Variants in KHDRBS2 observed in about 807,000 individuals in gnomAD.
KHDRBS2 encodes the protein KH RNA binding domain containing, signal transduction associated 2.
Under a neutral mutation model 44.3 loss-of-function variants are expected in KHDRBS2, and 26 were observed. That is an observed-to-expected ratio of 0.59 (90% confidence interval 0.43 to 0.81). KHDRBS2 has a LOEUF of 0.81. KHDRBS2 is among the 40% of genes least tolerant of loss of function. The pLI is 0.00. For synonymous variants in KHDRBS2, 194 were observed against 151.1 expected, an observed-to-expected ratio of 1.28 and a Z score of -2.08; for missense variants, 476 against 433.1, an observed-to-expected ratio of 1.10 and a Z score of -0.88.
chr6:61,748,248 C>G (rs946793763), intron 6 of KHDRBS2, among the ~76,000 whole-genome samples: 6 of 152,188 alleles, frequency 3.9e-5, no homozygotes, highest in Admixed American at 6.5e-5. Context: ...CTTGGCCTCA[C>G]GGAGTGCTAG....
chr6:61,961,124 G>A (rs963393970), intron 4 of KHDRBS2, among the ~76,000 whole-genome samples: 1 of 152,034 alleles, frequency 6.6e-6, no homozygotes, highest in African/African-American at 2.4e-5. Flanking sequence ...AAGAAAGTGA[G>A]CATTATATAT....
intron 6 of KHDRBS2, among the ~76,000 whole-genome samples, chr6:61,854,857 A>T (rs1294055830): frequency 6.6e-6 from 1 of 152,174 alleles, no homozygotes; most frequent in African/African-American, 2.4e-5. Context: ...GAATTGATGC[A>T]TATGGTGCCT....
intron 6 of KHDRBS2, 81 bp downstream of exon 6, chr6:61,894,554 G>A (rs1309923427): frequency 7.3e-6 from 8 of 1,090,722 alleles, no homozygotes; most frequent in South Asian, 4.3e-5. Flanking sequence ...CTATATTCAC[G>A]GTATATGAAC....
intron 1 of KHDRBS2, among the ~76,000 whole-genome samples, chr6:62,258,578 A>C (rs1184105689): frequency 6.6e-6 from 1 of 152,034 alleles, no homozygotes; most frequent in Non-Finnish European, 1.5e-5. Flanking sequence ...TCTGATGTTC[A>C]ATGTACATAA....
intron 6 of KHDRBS2, among the ~76,000 whole-genome samples, chr6:61,853,128 C>G: frequency 6.6e-6 from 1 of 152,070 alleles, no homozygotes; most frequent in Non-Finnish European, 1.5e-5. Flanking sequence ...CATCTGGTAC[C>G]AATATTTTCC....
chr6:61,727,440 T>C (rs1773752988), intron 7 of KHDRBS2, among the ~76,000 whole-genome samples: 1 of 152,150 alleles, frequency 6.6e-6, no homozygotes, highest in African/African-American at 2.4e-5. Context: ...GGAATCTAAC[T>C]AAAGAGCTTC....
the KHDRBS2 span, among the ~76,000 whole-genome samples, chr6:61,633,419 G>A: frequency 0.34 from 52,081 of 151,798 alleles, 9,707 homozygotes; most frequent in East Asian, 0.49. Context: ...GATGCCACAT[G>A]TTCACACTGC....
chr6:61,574,209 C>T, the KHDRBS2 span: 7 of 726,348 alleles, frequency 9.6e-6, no homozygotes, highest in Non-Finnish European at 1.4e-5. Flanking sequence ...AAAACATCAC[C>T]TCTAGCATTA....
intron 6 of KHDRBS2, among the ~76,000 whole-genome samples, chr6:61,882,460 C>G (rs1378312584): frequency 2.0e-5 from 3 of 151,992 alleles, no homozygotes; most frequent in Non-Finnish European, 4.4e-5. Context: ...GCAGCCTATT[C>G]TCTATTTGGT....
intron 2 of KHDRBS2, among the ~76,000 whole-genome samples, chr6:62,112,582 G>A (rs1216655040): frequency 6.6e-6 from 1 of 151,986 alleles, no homozygotes; most frequent in Non-Finnish European, 1.5e-5. Flanking sequence ...CTCAGAAAAA[G>A]GTAATAAAGT....
chr6:62,097,889 T>C lies in KHDRBS2; in HGVS notation c.220-49895A>G, dbSNP rs550413941. On this transcript the variant is annotated intron_variant, in intron 2 of 8. Transcript: ENST00000281156. The stretch of plus-strand genomic sequence containing the variant: ...TGCTTTTTATTTTTAGTGTATCTGT[T>C]ATAGGTTTTTGCTTTGTGGTTATCA... Among the ~76,000 whole-genome samples, 3 of 152,220 alleles carry C rather than the reference T, an allele frequency of 2.0e-5. No individual in the cohort carries two copies. In the South Asian group the frequency reaches 6.2e-4, roughly 32 times the overall value.
intron 2 of KHDRBS2, among the ~76,000 whole-genome samples, chr6:62,169,125 ATACATATACACACAT>A (rs1819362028): frequency 7.3e-6 from 1 of 137,760 alleles, no homozygotes; most frequent in Non-Finnish European, 1.6e-5. Flanking sequence ...GTGTGTATAT[ATACATATACACACAT>A]ATATGTGTGT....
intron 1 of KHDRBS2, among the ~76,000 whole-genome samples, chr6:62,182,145 T>C (rs1427171070): frequency 6.6e-6 from 1 of 152,052 alleles, no homozygotes; most frequent in Non-Finnish European, 1.5e-5. Context: ...TTCCAGCCTC[T>C]AGAATTGTGA....
Position 61,880,467 on chromosome 6 carries a change from A to G in KHDRBS2, c.810+14168T>C, listed in dbSNP as rs1800044806. On this transcript the variant is annotated intron_variant, in intron 6 of 8. Coordinates refer to ENST00000281156, the MANE Select transcript of KHDRBS2 (RefSeq NM_152688.4). ...GATCTTAAGTGTATATTTTATGTAAAAGAAAATCTCAAACAAAATCTAGAT... is the reference window on the plus strand; with the variant it reads ...GATCTTAAGTGTATATTTTATGTAAGAGAAAATCTCAAACAAAATCTAGAT... Among the ~76,000 whole-genome samples the G allele has an allele frequency of 3.3e-5, 5 of 152,030 alleles. No individual in the cohort carries two copies. The South Asian group carries it at 1.0e-3, about 32-fold the overall frequency.
intron 1 of KHDRBS2, among the ~76,000 whole-genome samples, chr6:62,194,688 G>T (rs1342924820): frequency 6.6e-6 from 1 of 151,116 alleles, no homozygotes; most frequent in Middle Eastern, 3.4e-3. Context: ...TGTATTTTTA[G>T]TAGAGACAGG....
At chr6:62,134,928 C>T (rs531720701) in intron 2 of KHDRBS2, among the ~76,000 whole-genome samples, 1 of 152,252 alleles carries the variant, frequency 6.6e-6, no homozygotes, top group East Asian at 1.9e-4. Flanking sequence ...TTTACAGGCT[C>T]AGGCAGAAGG....
chr6:61,853,403 T>C (rs2127287202), intron 6 of KHDRBS2, among the ~76,000 whole-genome samples: 1 of 152,216 alleles, frequency 6.6e-6, no homozygotes, highest in Non-Finnish European at 1.5e-5. Context: ...ATGATTATAA[T>C]AAAAAGTTGC....
At chr6:61,838,148 C>A (rs1793018576) in intron 6 of KHDRBS2, among the ~76,000 whole-genome samples, 2 of 151,944 alleles carry the variant, frequency 1.3e-5, no homozygotes, top group South Asian at 4.1e-4. Context: ...TATCTTGGTG[C>A]AGTGTTTATA....
At chr6:61,617,890 C>T in the KHDRBS2 span, among the ~76,000 whole-genome samples, 29,567 of 152,032 alleles carry the variant, frequency 0.19, 3,351 homozygotes, top group South Asian at 0.33. Flanking sequence ...AAGAATACTA[C>T]ATAACATAAA....
Sources: allele counts gnomAD v4.1 joint callset (sites outside exome capture counted in the v4.1 genomes callset), GRCh38; gene constraint gnomAD v4.1.1; transcripts MANE v1.5; gene names NCBI Gene and HGNC (gene_info 2026-07-23, HGNC 2026-07-21).